PRKCB: variants seen among roughly 807,000 people sequenced by gnomAD.
PRKCB encodes protein kinase C beta type.
Under a neutral mutation model 81.5 loss-of-function variants are expected in PRKCB, and 13 were observed. The observed-to-expected ratio is 0.16, with a 90% CI of 0.10 to 0.25. The LOEUF (loss-of-function observed/expected upper bound fraction) is 0.25, where lower values mean the gene tolerates loss of function less well. Among genes scored for constraint, PRKCB ranks in the 10% least tolerant of loss-of-function variants. PRKCB has a pLI of 1.00. For missense variants in PRKCB, 509 were observed against 875.7 expected (o/e 0.58, Z 5.29); for synonymous variants, 335 against 321.4 (o/e 1.04, Z -0.45).
rs958322702 is a variant in PRKCB, at chr16:23,954,609, G to A, written c.206-33899G>A. 3.9e-5 allele frequency among the ~76,000 whole-genome samples: 6 copies of A among 152,194 alleles called. No individual in the cohort carries two copies. In the South Asian group the frequency reaches 1.0e-3, roughly 26 times the overall value. On this transcript the variant is annotated intron_variant, in intron 2 of 16. Coordinates refer to ENST00000643927, the MANE Select transcript of PRKCB (RefSeq NM_002738.7). The stretch of plus-strand genomic sequence containing the variant: ...ATGCACATTTGGAGTTGACAGGACA[G>A]CATGGACACTAGAGCCTGAACACCT...
chr16:24,185,997 A>T (rs1218616659), intron 15 of PRKCB, among the ~76,000 whole-genome samples: 1 of 152,232 alleles, frequency 6.6e-6, no homozygotes, highest in African/African-American at 2.4e-5. Flanking sequence ...GTTCTAAAAA[A>T]TACCACGCCG....
At chr16:23,932,265 G>A (rs1400188791) in intron 2 of PRKCB, among the ~76,000 whole-genome samples, 2 of 152,188 alleles carry the variant, frequency 1.3e-5, no homozygotes, top group African/African-American at 4.8e-5. Context: ...AACATTAACT[G>A]AAATATAAAA....
chr16:24,201,608 C>T (rs1967958105), intron 16 of PRKCB, among the ~76,000 whole-genome samples: 1 of 152,180 alleles, frequency 6.6e-6, no homozygotes, highest in African/African-American at 2.4e-5. Context: ...TGCTGATTGA[C>T]CGGGCCTGGG....
intron 2 of PRKCB, among the ~76,000 whole-genome samples, chr16:23,956,094 C>CA (rs1179499705): frequency 6.6e-6 from 1 of 151,642 alleles, no homozygotes; most frequent in Non-Finnish European, 1.5e-5. Context: ...TACGAATAAA[C>CA]AAAAAAAGAG....
chr16:23,971,896 A>G (rs1444078353), intron 2 of PRKCB, among the ~76,000 whole-genome samples: 1 of 152,198 alleles, frequency 6.6e-6, no homozygotes, highest in Non-Finnish European at 1.5e-5. Flanking sequence ...ATGATACAGC[A>G]ATTCCACTCC....
chr16:24,130,266 A>C (rs2141934724), intron 9 of PRKCB, among the ~76,000 whole-genome samples: 1 of 152,346 alleles, frequency 6.6e-6, no homozygotes, highest in African/African-American at 2.4e-5. Context: ...TTCATTTAAA[A>C]AATCACACAG....
intron 2 of PRKCB, among the ~76,000 whole-genome samples, chr16:23,983,325 A>C (rs1421209268): frequency 1.3e-5 from 2 of 152,194 alleles, no homozygotes; most frequent in Non-Finnish European, 2.9e-5. Flanking sequence ...CCAGAAGCTC[A>C]TGAGGTTTTT....
chr16:24,154,806 G>A lies in PRKCB; in HGVS notation c.1188G>A (p.Leu396=). The change falls in exon 10 of 17, where the codon CTG becomes CTA. Residue 396 remains leucine, a synonymous_variant. Coordinates refer to ENST00000643927, the MANE Select transcript of PRKCB (RefSeq NM_002738.7). ...TGGTGGAGAAGCGGGTGTTGGCCCT[G>A]CCTGGGAAGCCGCCCTTCCTGACCC... is the stretch of plus-strand genomic sequence containing the variant. ...CTMVEKRVLA[L]PGKPPFLTQL... 6.2e-7 allele frequency: 1 copy of A among 1,614,164 alleles called. No homozygotes were observed. Among genetic ancestry groups the A allele is most frequent in the Non-Finnish European group, 8.5e-7 (1 of 1,179,994 alleles).
rs1048057770 is a variant in PRKCB, at chr16:24,215,720, C to G, written c.*904C>G. 21 of 985,284 alleles carry G rather than the reference C, an allele frequency of 2.1e-5. No homozygotes were observed. In the Admixed American group the frequency reaches 3.7e-4, roughly 17 times the overall value. 61.0% of individuals were successfully genotyped at this position (985,284 alleles called of 1,614,324 possible). A position where few individuals can be genotyped will look rare whatever the true frequency, so the allele number is the denominator to read the frequency against. On this transcript the variant is annotated 3_prime_UTR_variant, in exon 17 of 17. Coordinates refer to ENST00000643927, the MANE Select transcript of PRKCB (RefSeq NM_002738.7). Reference sequence around the variant, plus strand: ...AAAATATGTATTCAAATGTTATTAACCACAATGACGACCTGCTTTGATTTA... The same window carrying G: ...AAAATATGTATTCAAATGTTATTAAGCACAATGACGACCTGCTTTGATTTA...
chr16:23,921,124 C>T (rs1597246533), intron 2 of PRKCB, among the ~76,000 whole-genome samples: 1 of 152,102 alleles, frequency 6.6e-6, no homozygotes, highest in South Asian at 2.1e-4. Context: ...TCCACCTAGC[C>T]CCACCCTTGA....
At chr16:24,069,924 C>T (rs2141883870) in intron 5 of PRKCB, among the ~76,000 whole-genome samples, 1 of 152,336 alleles carries the variant, frequency 6.6e-6, no homozygotes, top group South Asian at 2.1e-4. Context: ...TGACGTGATT[C>T]ATGGCCATTC....
intron 2 of PRKCB, among the ~76,000 whole-genome samples, chr16:23,841,074 T>TTTTA (rs1316152111): frequency 4.2e-4 from 64 of 152,226 alleles, no homozygotes; most frequent in African/African-American, 1.5e-3. Context: ...TTTCTTTGCC[T>TTTTA]TTTATTTATT....
intron 12 of PRKCB, among the ~76,000 whole-genome samples, chr16:24,179,013 C>G (rs1457926166): frequency 6.6e-6 from 1 of 152,206 alleles, no homozygotes; most frequent in African/African-American, 2.4e-5. Context: ...TCTGCTTTCT[C>G]TATATTAGAT....
chr16:23,836,660 C>A (rs1400440956), intron 1 of PRKCB, among the ~76,000 whole-genome samples: 1 of 152,018 alleles, frequency 6.6e-6, no homozygotes, highest in Non-Finnish European at 1.5e-5. Flanking sequence ...CGCGCGGGGT[C>A]TGTGCCTGCC....
rs139292743 is a variant in PRKCB at position 23,961,329 on chromosome 16, C to T, written c.206-27179C>T. On this transcript the variant is annotated intron_variant, in intron 2 of 16. Coordinates refer to ENST00000643927, the MANE Select transcript of PRKCB (RefSeq NM_002738.7). Reference sequence around the variant, plus strand: ...TATAACAAAATGTAAGTTATTGGATCACATACTTGGGAATCTTAGGATAGG... The same window carrying T: ...TATAACAAAATGTAAGTTATTGGATTACATACTTGGGAATCTTAGGATAGG... Among the ~76,000 whole-genome samples, 4 of 152,314 alleles carry T rather than the reference C, an allele frequency of 2.6e-5. No homozygotes were observed. The East Asian group carries it at 7.7e-4, about 29-fold the overall frequency.
chr16:23,869,578 T>A (rs961689833), intron 2 of PRKCB, among the ~76,000 whole-genome samples: 7 of 152,364 alleles, frequency 4.6e-5, no homozygotes, highest in Non-Finnish European at 1.0e-4. Flanking sequence ...CTGTGTGCTG[T>A]CTGTCCTTTT....
chr16:23,974,710 A>G (rs1304170761), intron 2 of PRKCB, among the ~76,000 whole-genome samples: 1 of 152,120 alleles, frequency 6.6e-6, no homozygotes, highest in African/African-American at 2.4e-5. Flanking sequence ...GTCATTTGTA[A>G]GCACACAAAA....
At position 24,003,016 on chromosome 16, in the gene PRKCB, C is replaced by T. The variant is rs79434252; in HGVS notation, c.288+14426C>T. The stretch of plus-strand genomic sequence containing the variant: ...AGTCAGTCAGTATTTATTATGGAGT[C>T]ATCTTCACTCTACCTTTTGACTATA... On this transcript the variant is annotated intron_variant, in intron 3 of 16. Transcript: ENST00000643927. Among the ~76,000 whole-genome samples the T allele has an allele frequency of 5.1e-3, 774 of 152,158 alleles. 8 individuals are homozygous for T. The highest frequency in any genetic ancestry group is 0.018 in the African/African-American group (745 of 41,504).
chr16:24,174,430 A>G, intron 11 of PRKCB, 88 bp from the exon 12 acceptor site: 2 of 1,174,778 alleles, frequency 1.7e-6, no homozygotes, highest in Non-Finnish European at 2.5e-6. Flanking sequence ...TCCTACACCT[A>G]GTTCAATATT....
Sources: gnomAD v4.1 joint callset for allele counts (sites outside exome capture counted in the v4.1 genomes callset) on GRCh38, gnomAD v4.1.1 for gene constraint, MANE v1.5 for transcripts, NCBI Gene and HGNC (gene_info 2026-07-23, HGNC 2026-07-21) for gene names.